Variants in MAPK8 observed in about 807,000 individuals in gnomAD.
MAPK8 encodes JUN N-terminal kinase.
Under a neutral mutation model 52.9 loss-of-function variants are expected in MAPK8, and 13 were observed. That is an observed-to-expected ratio of 0.25 (90% CI 0.16 to 0.39). MAPK8 has a LOEUF of 0.39. MAPK8 is among the 10% of genes least tolerant of loss of function. MAPK8 has a pLI of 1.00. For missense variants in MAPK8, 300 were observed against 519.2 expected, an observed-to-expected ratio of 0.58 and a Z score of 4.10; for synonymous variants, 191 against 169.8, an observed-to-expected ratio of 1.12 and a Z score of -0.97.
intron 8 of MAPK8, 104 bp from the exon 9 acceptor site, chr10:48,426,276 A>G: frequency 9.7e-7 from 1 of 1,034,158 alleles, no homozygotes; most frequent in South Asian, 2.0e-5. Context: ...TTACAGTAAT[A>G]TTTTTAAAAC....
rs889337970 is a variant in MAPK8 at position 48,435,279 on chromosome 10, T to A, written c.*250T>A. On this transcript the variant is annotated 3_prime_UTR_variant, in exon 12 of 12. Transcript: ENST00000374189. Reference sequence around the variant, plus strand: ...ATTAACTGTATAATGTAAACCTAATTATTTTATCATGGTTTAAATTTTTTG... The same window carrying A: ...ATTAACTGTATAATGTAAACCTAATAATTTTATCATGGTTTAAATTTTTTG... The A allele has an allele frequency of 2.8e-6, 1 of 359,104 alleles. No individual in the cohort carries two copies. Among genetic ancestry groups the A allele is most frequent in the African/African-American group, 2.1e-5 (1 of 47,800 alleles). The allele number at this position is 359,104 out of a possible 1,614,324, so 22.2% of individuals were successfully genotyped here. A position where few individuals can be genotyped will look rare whatever the true frequency, so the allele number is the denominator to read the frequency against.
At chr10:48,347,293 GA>G (rs1461922208) in intron 1 of MAPK8, among the ~76,000 whole-genome samples, 2 of 151,944 alleles carry the variant, frequency 1.3e-5, no homozygotes, top group African/African-American at 4.8e-5. Flanking sequence ...AGGTTTCAAT[GA>G]AAAAAACCTC....
At chr10:48,364,675 C>T (rs1418723129) in intron 1 of MAPK8, among the ~76,000 whole-genome samples, 1 of 152,120 alleles carries the variant, frequency 6.6e-6, no homozygotes, top group Admixed American at 6.6e-5. Flanking sequence ...GAGAGGCAAA[C>T]TCTTTGTGAT....
At chr10:48,421,383 C>T (rs931548444) in intron 6 of MAPK8, among the ~76,000 whole-genome samples, 1 of 152,102 alleles carries the variant, frequency 6.6e-6, no homozygotes, top group African/African-American at 2.4e-5. Context: ...CGTGACCCAC[C>T]AGCATGAAGA....
At chr10:48,309,564 T>C (rs1397454548) in intron 1 of MAPK8, among the ~76,000 whole-genome samples, 1 of 152,214 alleles carries the variant, frequency 6.6e-6, no homozygotes, top group Non-Finnish European at 1.5e-5. Context: ...TAATCTTAAC[T>C]ATTTGCTCCA....
chr10:48,418,173 G>A (rs1005398068), intron 5 of MAPK8, among the ~76,000 whole-genome samples: 1 of 152,198 alleles, frequency 6.6e-6, no homozygotes, highest in East Asian at 1.9e-4. Flanking sequence ...ACAAGTGGCT[G>A]TGCAGGTGAC....
In MAPK8 at chr10:48,392,801, T is replaced by C. The variant is rs187428046; in HGVS notation, c.-49-8811T>C. ...CCTCCCTTGACCATTTACTCCTCTT[T>C]ATCTATTTCATCTTTGGTCTTCTTT... On this transcript the variant is annotated intron_variant, in intron 1 of 11. Coordinates refer to ENST00000374189, the MANE Select transcript of MAPK8 (RefSeq NM_001323329.2). 5.3e-5 allele frequency among the ~76,000 whole-genome samples: 8 copies of C among 152,246 alleles called. No homozygotes were observed. The East Asian group carries it at 1.5e-3, about 29-fold the overall frequency.
chr10:48,424,569 G>C (rs779762614), intron 7 of MAPK8: 5 of 1,599,316 alleles, frequency 3.1e-6, no homozygotes, highest in Non-Finnish European at 3.4e-6. Context: ...GTGGTGTTTT[G>C]TTCCCAGGTA....
chr10:48,432,304 T>C (rs2044367105), intron 11 of MAPK8, among the ~76,000 whole-genome samples: 1 of 152,218 alleles, frequency 6.6e-6, no homozygotes, highest in Non-Finnish European at 1.5e-5. Context: ...TATAGCGACA[T>C]TGTATACTAT....
At chr10:48,353,033 T>C (rs181648929) in intron 1 of MAPK8, among the ~76,000 whole-genome samples, 1 of 152,284 alleles carries the variant, frequency 6.6e-6, no homozygotes. Flanking sequence ...TAGATATCAG[T>C]CTAACAAGAC....
At chr10:48,369,384 G>T (rs766359953) in intron 1 of MAPK8, among the ~76,000 whole-genome samples, 5 of 152,186 alleles carry the variant, frequency 3.3e-5, no homozygotes, top group Admixed American at 6.6e-5. Flanking sequence ...AATGGATGAT[G>T]ATAGCAATCC....
intron 1 of MAPK8, among the ~76,000 whole-genome samples, chr10:48,314,579 C>T (rs1215400990): frequency 6.6e-6 from 1 of 152,102 alleles, no homozygotes; most frequent in Non-Finnish European, 1.5e-5. Context: ...CCTAGGCCAG[C>T]GTATGTGCAT....
intron 1 of MAPK8, among the ~76,000 whole-genome samples, chr10:48,320,633 C>T (rs935818209): frequency 2.2e-4 from 33 of 152,138 alleles, no homozygotes; most frequent in Non-Finnish European, 1.3e-4. Flanking sequence ...GGATTGTTTA[C>T]ACTTTTTGGC....
intron 1 of MAPK8, 111 bp from the exon 2 acceptor site, chr10:48,401,499 CTT>C (rs2042157486): frequency 5.1e-6 from 3 of 588,860 alleles, no homozygotes; most frequent in Admixed American, 3.6e-5. Flanking sequence ...TGAAGCAGCT[CTT>C]TTCATGATCT....
At chr10:48,428,437 T>C (rs1191422508) in intron 10 of MAPK8, among the ~76,000 whole-genome samples, 3 of 152,198 alleles carry the variant, frequency 2.0e-5, no homozygotes, top group Non-Finnish European at 4.4e-5. Context: ...AGACCTGTTA[T>C]TAAGAGTTGT....
chr10:48,402,383 G>A (rs73308002), intron 2 of MAPK8, among the ~76,000 whole-genome samples: 1 of 152,152 alleles, frequency 6.6e-6, no homozygotes, highest in Admixed American at 6.5e-5. Flanking sequence ...ATAATGAAGC[G>A]TGGAATTTCA....
At chr10:48,433,958 A>T (rs1001872958) in intron 11 of MAPK8, among the ~76,000 whole-genome samples, 1 of 152,196 alleles carries the variant, frequency 6.6e-6, no homozygotes. Context: ...CCAATTTGGA[A>T]TGACCCTTAT....
intron 1 of MAPK8, among the ~76,000 whole-genome samples, chr10:48,372,241 G>A (rs981464176): frequency 1.3e-5 from 2 of 152,026 alleles, no homozygotes; most frequent in Admixed American, 6.6e-5. Context: ...AAGACCAAAG[G>A]TAGATAAGTC....
chr10:48,410,939 G>A lies in MAPK8; in HGVS notation c.450+771G>A, dbSNP rs138198630. Among the ~76,000 whole-genome samples, 6 of 152,252 alleles carry A rather than the reference G, an allele frequency of 3.9e-5. No individual in the cohort carries two copies. In the East Asian group the frequency reaches 9.6e-4, roughly 24 times the overall value. On this transcript the variant is annotated intron_variant, in intron 5 of 11. Coordinates refer to ENST00000374189, the MANE Select transcript of MAPK8 (RefSeq NM_001323329.2). ...TTGTGTATCTTCTTTGGAGAAATGT[G>A]TATTCAAGCCCTTTGCTCATTTTTA...
Sources: allele counts gnomAD v4.1 joint callset (sites outside exome capture counted in the v4.1 genomes callset), GRCh38; gene constraint gnomAD v4.1.1; transcripts MANE v1.5; gene names NCBI Gene and HGNC (gene_info 2026-07-23, HGNC 2026-07-21).